The following JKAMP variants were observed in gnomAD, a reference collection of about 807,000 sequenced individuals.
JKAMP encodes the protein JNK1/MAPK8-associated membrane protein.
In JKAMP, 20 loss-of-function variants were observed where a neutral mutation model predicts 40.2. The ratio of observed to expected loss-of-function variants is 0.50; its 90% CI spans 0.35 to 0.72. The LOEUF (loss-of-function observed/expected upper bound fraction) is 0.72, where lower values mean the gene tolerates loss of function less well. JKAMP is among the 30% of genes least tolerant of loss of function. JKAMP has a pLI of 0.01. For synonymous variants in JKAMP, 138 were observed against 131.6 expected (o/e 1.05, Z -0.33); for missense variants, 276 against 373.0 (o/e 0.74, Z 2.14).
intron 6 of JKAMP, 105 bp from the exon 7 acceptor site, chr14:59,503,749 T>G: frequency 1.4e-6 from 1 of 699,692 alleles, no homozygotes; most frequent in Non-Finnish European, 2.3e-6. Context: ...TTTATGATTC[T>G]GAGATTATAA....
chr14:59,498,018 A>G (rs1891576506), intron 4 of JKAMP, among the ~76,000 whole-genome samples: 1 of 152,240 alleles, frequency 6.6e-6, no homozygotes, highest in Non-Finnish European at 1.5e-5. Context: ...CTGGTGACAC[A>G]TAGCTCTTTC....
chr14:59,499,015 CTTTTTTTTTTTTTTTTT>C, intron 5 of JKAMP, 107 bp downstream of exon 5: 1 of 123,052 alleles, frequency 8.1e-6, no homozygotes, highest in Non-Finnish European at 1.4e-5. Flanking sequence ...TTGTTTAATC[CTTTTTTTTTTTTTTTTT>C]TTTTTTTTTT....
chr14:59,485,062 C>T (rs1207464373), intron 1 of JKAMP: 1 of 1,598,214 alleles, frequency 6.3e-7, no homozygotes, highest in Non-Finnish European at 8.5e-7. Context: ...CCATCGTTCG[C>T]TAAAGGAAAT....
intron 5 of JKAMP, 107 bp downstream of exon 5, chr14:59,499,015 C>CTTTTTTTTTTTT (rs527684457): frequency 8.0e-6 from 1 of 124,342 alleles, no homozygotes; most frequent in Non-Finnish European, 1.4e-5. Context: ...TTGTTTAATC[C>CTTTTTTTTTTTT]TTTTTTTTTT....
intron 3 of JKAMP, among the ~76,000 whole-genome samples, chr14:59,493,434 C>G (rs563904576): frequency 6.6e-6 from 1 of 152,172 alleles, no homozygotes; most frequent in South Asian, 2.1e-4. Context: ...AAAGAACTGC[C>G]CAGTTGAGCC....
chr14:59,486,751 G>T lies in JKAMP; in HGVS notation c.43G>T (p.Gly15Trp). The change falls in exon 2 of 7, where the codon GGG becomes TGG. Residue 15 changes from glycine to tryptophan, a missense_variant. Transcript: ENST00000616435. ...ACCAGCATGCCTTGGACTTTATTGTGGGAAGACCCTATTATTTAAAAATGG... is the reference window on the plus strand; with the variant it reads ...ACCAGCATGCCTTGGACTTTATTGTTGGAAGACCCTATTATTTAAAAATGG... ...IQPACLGLYC[G>W]KTLLFKNGST... The T allele has an allele frequency of 6.3e-7, 1 of 1,595,970 alleles. No homozygotes were observed.
chr14:59,487,527 A>T, intron 2 of JKAMP, 147 bp from the exon 3 acceptor site: 2 of 591,356 alleles, frequency 3.4e-6, no homozygotes, highest in Non-Finnish European at 5.9e-6. Flanking sequence ...TTTTTATTTT[A>T]CTTATGCCCT....
chr14:59,485,064 A>C, intron 1 of JKAMP: 1 of 1,598,452 alleles, frequency 6.3e-7, no homozygotes, highest in Non-Finnish European at 8.5e-7. Flanking sequence ...ATCGTTCGCT[A>C]AAGGAAATGA....
intron 6 of JKAMP, among the ~76,000 whole-genome samples, chr14:59,501,561 G>A (rs972071425): frequency 6.6e-6 from 1 of 152,086 alleles, no homozygotes; most frequent in Non-Finnish European, 1.5e-5. Context: ...TTATTGAAAT[G>A]TTGAAACTTA....
chr14:59,494,697 T>C (rs1891303882), intron 3 of JKAMP, among the ~76,000 whole-genome samples: 1 of 152,176 alleles, frequency 6.6e-6, no homozygotes, highest in South Asian at 2.1e-4. Flanking sequence ...ATTACTATAC[T>C]TTCTAACAAA....
chr14:59,502,766 T>TGTTTTG (rs1566584042), intron 6 of JKAMP, among the ~76,000 whole-genome samples: 4 of 2,834 alleles, frequency 1.4e-3, no homozygotes, highest in Non-Finnish European at 0.011. Context: ...TTTTTTTTTT[T>TGTTTTG]TTTTTTTCGG....
intron 6 of JKAMP, among the ~76,000 whole-genome samples, chr14:59,502,809 T>A (rs560253712): frequency 6.9e-5 from 8 of 115,370 alleles, no homozygotes; most frequent in African/African-American, 2.8e-4. Context: ...ATGAGTGCAG[T>A]GGTGCAGTCT....
At position 59,504,631 on chromosome 14, in the gene JKAMP, G is replaced by A. The variant is rs1892212738; in HGVS notation, c.*559G>A. 6.6e-6 allele frequency: 1 copy of A among 152,566 alleles called. No individual in the cohort carries two copies. Among genetic ancestry groups the A allele is most frequent in the Non-Finnish European group, 1.5e-5 (1 of 68,058 alleles). The allele number at this position is 152,566 out of a possible 1,614,324, so 9.5% of individuals were successfully genotyped here. On this transcript the variant is annotated 3_prime_UTR_variant, in exon 7 of 7. Coordinates refer to ENST00000616435, the MANE Select transcript of JKAMP (RefSeq NM_016475.5). ...TAATAATTTATATAACAGGTTTTCT[G>A]TTTATAGATTGGTTCAAGATTTGTT... is the stretch of plus-strand genomic sequence containing the variant.
intron 3 of JKAMP, among the ~76,000 whole-genome samples, chr14:59,488,264 G>C (rs1890730219): frequency 6.6e-6 from 1 of 151,892 alleles, no homozygotes; most frequent in Admixed American, 6.6e-5. Context: ...ACTAAGCACT[G>C]CATTTTATGT....
chr14:59,501,153 GT>G, intron 5 of JKAMP, 37 bp from the exon 6 acceptor site: 1 of 1,276,498 alleles, frequency 7.8e-7, no homozygotes, highest in Admixed American at 2.1e-5. Context: ...GAGAAAATTT[GT>G]TTCATTTCCA....
chr14:59,502,763 T>TG (rs1566584002), intron 6 of JKAMP, among the ~76,000 whole-genome samples: 5 of 134,122 alleles, frequency 3.7e-5, no homozygotes, highest in African/African-American at 5.7e-5. Context: ...TTTTTTTTTT[T>TG]TTTTTTTTTT....
intron 3 of JKAMP, among the ~76,000 whole-genome samples, chr14:59,488,955 T>C (rs995368175): frequency 6.6e-6 from 1 of 152,270 alleles, no homozygotes; most frequent in African/African-American, 2.4e-5. Flanking sequence ...TTCTATTCTT[T>C]CCTTCTAGGC....
chr14:59,494,936 A>G (rs1891326000), intron 3 of JKAMP, 82 bp from the exon 4 acceptor site: 2 of 959,942 alleles, frequency 2.1e-6, no homozygotes, highest in African/African-American at 1.6e-5. Context: ...AGAAATCTGT[A>G]TCTTGACACA....
chr14:59,491,042 G>A (rs1890957017), intron 3 of JKAMP, among the ~76,000 whole-genome samples: 1 of 152,180 alleles, frequency 6.6e-6, no homozygotes. Context: ...CTAGGAAATT[G>A]GTAACAAGGA....
Sources: gnomAD v4.1 joint callset for allele counts (sites outside exome capture counted in the v4.1 genomes callset) on GRCh38, gnomAD v4.1.1 for gene constraint, MANE v1.5 for transcripts, NCBI Gene and HGNC (gene_info 2026-07-23, HGNC 2026-07-21) for gene names.